GNA14: variants seen among roughly 807,000 people sequenced by gnomAD.
GNA14 encodes the protein G protein subunit alpha 14.
GNA14 carries 50 observed loss-of-function variants against 42.0 expected under a neutral mutation model. The ratio of observed to expected loss-of-function variants is 1.19; its 90% CI spans 0.95 to 1.51. GNA14 has a LOEUF of 1.51. GNA14 is among the 40% of genes most tolerant of loss of function. GNA14 has a pLI of 0.00. For missense variants in GNA14, 473 were observed against 446.2 expected (o/e 1.06, Z -0.54); for synonymous variants, 173 against 163.1 (o/e 1.06, Z -0.46).
chr9:77,584,139 C>T (rs187325893), intron 1 of GNA14, among the ~76,000 whole-genome samples: 1 of 152,252 alleles, frequency 6.6e-6, no homozygotes, highest in African/African-American at 2.4e-5. Context: ...TGTTCATTCC[C>T]ATTCAGTTTA....
chr9:77,591,157 C>T (rs532184243), intron 1 of GNA14, among the ~76,000 whole-genome samples: 38 of 152,166 alleles, frequency 2.5e-4, no homozygotes, highest in African/African-American at 5.1e-4. Context: ...ACGCTGTTTC[C>T]GAGTAGAATC....
At chr9:77,471,593 G>C (rs1836330627) in intron 2 of GNA14, among the ~76,000 whole-genome samples, 1 of 152,186 alleles carries the variant, frequency 6.6e-6, no homozygotes, top group Admixed American at 6.5e-5. Context: ...TCTGAGCAGG[G>C]ACAGTGGGTG....
intron 1 of GNA14, among the ~76,000 whole-genome samples, chr9:77,602,334 A>G (rs1364011940): frequency 1.3e-5 from 2 of 152,226 alleles, no homozygotes; most frequent in African/African-American, 4.8e-5. Context: ...TCTTTTCCCA[A>G]GACGAACAAA....
rs1836417120 is a variant in GNA14 at position 77,476,098 on chromosome 9, A to G, written c.310-41576T>C. Among the ~76,000 whole-genome samples the G allele has an allele frequency of 2.0e-5, 3 of 152,254 alleles. No individual in the cohort carries two copies. The South Asian group carries it at 6.2e-4, about 31-fold the overall frequency. ...AATTTGGGAAATTGGAATTCAAACAACAACAATAACTTAGCTTAGATGGGT... is the reference window on the plus strand; with the variant it reads ...AATTTGGGAAATTGGAATTCAAACAGCAACAATAACTTAGCTTAGATGGGT... On this transcript the variant is annotated intron_variant, in intron 2 of 6. Coordinates refer to ENST00000341700, the MANE Select transcript of GNA14 (RefSeq NM_004297.4).
At chr9:77,550,107 G>A (rs1345132017) in intron 1 of GNA14, among the ~76,000 whole-genome samples, 2 of 152,158 alleles carry the variant, frequency 1.3e-5, no homozygotes, top group Non-Finnish European at 2.9e-5. Flanking sequence ...GGGGTAGAGA[G>A]AAGGGAACAC....
At chr9:77,440,286 C>G (rs985936376) in intron 2 of GNA14, among the ~76,000 whole-genome samples, 2 of 152,224 alleles carry the variant, frequency 1.3e-5, no homozygotes, top group South Asian at 2.1e-4. Flanking sequence ...GCCGGTTTCA[C>G]GCAGGGATCC....
rs148823730 is a variant in GNA14 at position 77,542,784 on chromosome 9, T to C, written c.125-13531A>G. Among the ~76,000 whole-genome samples, 144 of 151,952 alleles carry C rather than the reference T, an allele frequency of 9.5e-4. 1 individual carries two copies. In the East Asian group the frequency reaches 0.027, roughly 28 times the overall value. On this transcript the variant is annotated intron_variant, in intron 1 of 6. Transcript: ENST00000341700. ...GCCCAACCTCAGACCCTGGGAGGAGTGCTCAAATGTCAATGGTGTTGGACT... is the reference window on the plus strand; with the variant it reads ...GCCCAACCTCAGACCCTGGGAGGAGCGCTCAAATGTCAATGGTGTTGGACT...
chr9:77,457,156 T>C lies in GNA14; in HGVS notation c.310-22634A>G, dbSNP rs189139052. Among the ~76,000 whole-genome samples the C allele has an allele frequency of 2.7e-3, 412 of 152,314 alleles. 1 individual carries two copies. The highest frequency in any genetic ancestry group is 1.8e-3 in the Non-Finnish European group (122 of 68,032). The stretch of plus-strand genomic sequence containing the variant: ...TTTATCTTGAAGTCTGTTTCAGAGC[T>C]AATATGAAGGTAAGAACCCAGGCAT... On this transcript the variant is annotated intron_variant, in intron 2 of 6. Coordinates refer to ENST00000341700, the MANE Select transcript of GNA14 (RefSeq NM_004297.4).
At position 77,458,289 on chromosome 9, in the gene GNA14, C is replaced by T. The variant is rs576170210; in HGVS notation, c.310-23767G>A. 6.3e-5 allele frequency among the ~76,000 whole-genome samples: 7 copies of T among 111,020 alleles called. No individual in the cohort carries two copies. The Admixed American group carries it at 6.4e-4, about 10-fold the overall frequency. 72.8% of individuals were successfully genotyped at this position (111,020 alleles called of 152,430 possible). A position where few individuals can be genotyped will look rare whatever the true frequency, so the allele number is the denominator to read the frequency against. On this transcript the variant is annotated intron_variant, in intron 2 of 6. Transcript: ENST00000341700. ...GGTGAAACCAGGCCCAAGTGCACAG[C>T]TTTGAGGGGGGAAAAGAAAGTCTCC...
intron 1 of GNA14, among the ~76,000 whole-genome samples, chr9:77,581,212 T>C (rs1248036587): frequency 6.6e-6 from 1 of 152,122 alleles, no homozygotes; most frequent in African/African-American, 2.4e-5. Flanking sequence ...GAAACCTTAG[T>C]TATGTGCTAG....
chr9:77,617,635 C>T (rs577586440), intron 1 of GNA14, among the ~76,000 whole-genome samples: 2 of 152,058 alleles, frequency 1.3e-5, no homozygotes, highest in Admixed American at 6.6e-5. Context: ...CCACGCCAAT[C>T]ATGACTCTTC....
intron 1 of GNA14, among the ~76,000 whole-genome samples, chr9:77,621,216 G>A (rs1823917130): frequency 6.6e-6 from 1 of 152,150 alleles, no homozygotes; most frequent in Non-Finnish European, 1.5e-5. Flanking sequence ...TTACAGGTGC[G>A]AGTCACTGCA....
At chr9:77,440,505 A>G (rs1835714538) in intron 2 of GNA14, among the ~76,000 whole-genome samples, 1 of 152,254 alleles carries the variant, frequency 6.6e-6, no homozygotes, top group African/African-American at 2.4e-5. Context: ...CAGATCATTA[A>G]GCATTTTGGT....
chr9:77,634,596 C>A (rs1344196970), intron 1 of GNA14, among the ~76,000 whole-genome samples: 1 of 151,974 alleles, frequency 6.6e-6, no homozygotes, highest in African/African-American at 2.4e-5. Flanking sequence ...TTCCTGGAAT[C>A]CAGGCTCAAT....
chr9:77,428,071 C>CTTTTTTTTTTTTTTTTTTTTT (rs1182913068), intron 5 of GNA14, among the ~76,000 whole-genome samples: 1 of 130,676 alleles, frequency 7.7e-6, no homozygotes, highest in African/African-American at 2.9e-5. Context: ...GGCATTTTTT[C>CTTTTTTTTTTTTTTTTTTTTT]TTTTTTTTTT....
At chr9:77,476,876 G>T (rs527878419) in intron 2 of GNA14, among the ~76,000 whole-genome samples, 1 of 152,288 alleles carries the variant, frequency 6.6e-6, no homozygotes, top group East Asian at 1.9e-4. Context: ...TGGGTTAAAG[G>T]CCCACCATTT....
chr9:77,628,852 C>A (rs1053345477), intron 1 of GNA14, among the ~76,000 whole-genome samples: 2 of 152,016 alleles, frequency 1.3e-5, no homozygotes, highest in Non-Finnish European at 2.9e-5. Flanking sequence ...ACTAAAGCAC[C>A]AAAAGCAATG....
chr9:77,490,343 T>C (rs1836744576), intron 2 of GNA14, among the ~76,000 whole-genome samples: 1 of 152,188 alleles, frequency 6.6e-6, no homozygotes, highest in South Asian at 2.1e-4. Context: ...CACACTGGGG[T>C]TGCAGGTGGA....
intron 2 of GNA14, among the ~76,000 whole-genome samples, chr9:77,506,339 A>G (rs370178842): frequency 2.6e-5 from 4 of 151,962 alleles, no homozygotes; most frequent in Admixed American, 6.6e-5. Flanking sequence ...TTTTAAGTCA[A>G]TAGATCCAAA....
Sources: allele counts gnomAD v4.1 joint callset (sites outside exome capture counted in the v4.1 genomes callset), GRCh38; gene constraint gnomAD v4.1.1; transcripts MANE v1.5; gene names NCBI Gene and HGNC (gene_info 2026-07-23, HGNC 2026-07-21).